Variants in MUC7 observed in about 807,000 individuals in gnomAD.
The protein encoded by MUC7 is mucin 7, secreted, also known as mucin-7.
In MUC7, 2 loss-of-function variants were observed where a neutral mutation model predicts 2.5. The ratio of observed to expected loss-of-function variants is 0.81; its 90% CI spans 0.33 to 2.55. The LOEUF is 2.55. MUC7 is among the 30% of genes most tolerant of loss of function. The pLI is 0.11. For synonymous variants in MUC7, 133 were observed against 173.4 expected (o/e 0.77, Z 1.83); for missense variants, 408 against 455.6 (o/e 0.90, Z 0.95).
intron 1 of MUC7, among the ~76,000 whole-genome samples, chr4:70,434,314 C>G (rs1297377134): frequency 6.6e-6 from 1 of 152,122 alleles, no homozygotes; most frequent in Non-Finnish European, 1.5e-5. Flanking sequence ...CCTCTTTATA[C>G]CTCTGGTAGA....
At position 70,481,124 on chromosome 4, in the gene MUC7, C is replaced by A; in HGVS notation, c.380C>A (p.Pro127Gln). The A allele has an allele frequency of 3.1e-6, 5 of 1,614,182 alleles. No homozygotes were observed. The highest frequency in any genetic ancestry group is 4.2e-6 in the Non-Finnish European group (5 of 1,180,034). Residue 127 changes from proline (P) to glutamine (Q), a missense_variant, in exon 3 of 3, where the codon CCA becomes CAA. Pro to Gln is a moderately conservative substitution (Grantham distance 76). Coordinates refer to ENST00000304887, the MANE Select transcript of MUC7 (RefSeq NM_152291.3). ...PSASTKITTLPNVTFLPQNAT... is the reference protein window; with the variant it reads ...PSASTKITTLQNVTFLPQNAT... ...GCTTCCACCAAAATTACTACCCTTC[C>A]AAATGTGACTTTTCTTCCCCAGAAT...
intron 1 of MUC7, among the ~76,000 whole-genome samples, chr4:70,448,624 A>T (rs1734199581): frequency 6.6e-6 from 1 of 151,972 alleles, no homozygotes; most frequent in Non-Finnish European, 1.5e-5. Context: ...AAATTATTAG[A>T]TTTTTTCCTA....
chr4:70,458,854 T>C (rs1170715534), intron 1 of MUC7, among the ~76,000 whole-genome samples: 1 of 152,042 alleles, frequency 6.6e-6, no homozygotes, highest in Non-Finnish European at 1.5e-5. Flanking sequence ...AAAGAAAAAT[T>C]GTTCAGAAAA....
At chr4:70,465,592 G>A (rs1010053648) in intron 1 of MUC7, among the ~76,000 whole-genome samples, 9 of 152,030 alleles carry the variant, frequency 5.9e-5, no homozygotes, top group African/African-American at 1.9e-4. Context: ...CGAGAACTTC[G>A]TGAAGCATAC....
At chr4:70,455,145 A>T (rs918970566) in intron 1 of MUC7, among the ~76,000 whole-genome samples, 4 of 151,854 alleles carry the variant, frequency 2.6e-5, no homozygotes, top group Non-Finnish European at 5.9e-5. Flanking sequence ...TATTTATTCT[A>T]TGAAAACACT....
rs371247339 is a variant in MUC7, at chr4:70,459,444, C to T, written c.-92-12771C>T. Among the ~76,000 whole-genome samples, 82 of 151,904 alleles carry T rather than the reference C, an allele frequency of 5.4e-4. 3 individuals carry two copies. The South Asian group carries it at 0.016, about 31-fold the overall frequency. On this transcript the variant is annotated intron_variant, in intron 1 of 3. Transcript: ENST00000413702. Reference sequence around the variant, plus strand: ...GGGGACTGTTGTGGGGTTGGGGGAGCGAGGAGGGATAGCATTAGGAGATAT... The same window carrying T: ...GGGGACTGTTGTGGGGTTGGGGGAGTGAGGAGGGATAGCATTAGGAGATAT...
upstream of MUC7, among the ~76,000 whole-genome samples, chr4:70,468,739 G>T (rs1734745316): frequency 6.6e-6 from 1 of 152,136 alleles, no homozygotes; most frequent in African/African-American, 2.4e-5. Flanking sequence ...ACAAACCACT[G>T]CTCAATGAAA....
intron 1 of MUC7, among the ~76,000 whole-genome samples, chr4:70,433,213 C>T (rs114753389): frequency 0.023 from 3,561 of 152,114 alleles, 53 homozygotes; most frequent in Non-Finnish European, 0.037. Flanking sequence ...GCTATGGGGT[C>T]TCTTTTTTGG....
At chr4:70,474,463 C>T (rs1371265479) in intron 2 of MUC7, among the ~76,000 whole-genome samples, 1 of 151,912 alleles carries the variant, frequency 6.6e-6, no homozygotes, top group Admixed American at 6.6e-5. Context: ...TGCAGCAAGC[C>T]GTAATCATAC....
At chr4:70,477,415 CA>C (rs1206870521) in intron 2 of MUC7, among the ~76,000 whole-genome samples, 2 of 152,122 alleles carry the variant, frequency 1.3e-5, no homozygotes, top group African/African-American at 4.8e-5. Flanking sequence ...TCTCAAAATA[CA>C]AAAGTAAAAA....
intron 1 of MUC7, among the ~76,000 whole-genome samples, chr4:70,456,409 G>T (rs1734414765): frequency 6.6e-6 from 1 of 152,148 alleles, no homozygotes; most frequent in Non-Finnish European, 1.5e-5. Flanking sequence ...CTGCTATGAA[G>T]AACTACCTGA....
chr4:70,441,466 G>T (rs1260485492), intron 1 of MUC7, among the ~76,000 whole-genome samples: 1 of 152,130 alleles, frequency 6.6e-6, no homozygotes, highest in African/African-American at 2.4e-5. Flanking sequence ...CAGCAATAAT[G>T]AGAAAAATCA....
At chr4:70,433,493 T>C (rs184585657) in intron 1 of MUC7, among the ~76,000 whole-genome samples, 25 of 152,346 alleles carry the variant, frequency 1.6e-4, no homozygotes, top group African/African-American at 5.8e-4. Flanking sequence ...TTTGTAGTAA[T>C]TGTGAATGGG....
intron 1 of MUC7, among the ~76,000 whole-genome samples, chr4:70,443,007 T>C (rs562040171): frequency 6.6e-6 from 1 of 152,156 alleles, no homozygotes; most frequent in Admixed American, 6.5e-5. Flanking sequence ...ATTTTCCCTG[T>C]CCAACAAGGA....
At chr4:70,434,763 T>C (rs1164773297) in intron 1 of MUC7, among the ~76,000 whole-genome samples, 2 of 152,242 alleles carry the variant, frequency 1.3e-5, no homozygotes, top group African/African-American at 4.8e-5. Context: ...TGAAAGTGTT[T>C]GCTCTTGCTT....
At position 70,481,700 on chromosome 4, in the gene MUC7, C is replaced by T. The variant is rs1313138880; in HGVS notation, c.956C>T (p.Ala319Val). The T allele has an allele frequency of 1.2e-6, 2 of 1,614,216 alleles. No individual in the cohort carries two copies. Among genetic ancestry groups the T allele is most frequent in the Non-Finnish European group, 1.7e-6 (2 of 1,180,036 alleles). Reference sequence around the variant, plus strand: ...CCTAATTCTTCCCCAACTACTCTTGCACCTGACACTTCTGAAACTTCAGCT... The same window carrying T: ...CCTAATTCTTCCCCAACTACTCTTGTACCTGACACTTCTGAAACTTCAGCT... ...TTPNSSPTTL[A>V]PDTSETSAAP... Residue 319 changes from alanine (A) to valine (V), a missense_variant, in exon 3 of 3, where the codon GCA (alanine) becomes GTA (valine). Around this residue, in one of 3 missense-constraint regions of MUC7, gnomAD observed 175 missense variants for 187.1 expected, o/e 0.94. Coordinates refer to ENST00000304887, the MANE Select transcript of MUC7 (RefSeq NM_152291.3).
At chr4:70,433,736 T>C (rs532622495) in intron 1 of MUC7, among the ~76,000 whole-genome samples, 4 of 152,242 alleles carry the variant, frequency 2.6e-5, no homozygotes, top group Admixed American at 2.0e-4. Flanking sequence ...TGCCTGATTG[T>C]CCTGGCCAGA....
intron 1 of MUC7, among the ~76,000 whole-genome samples, chr4:70,438,503 T>A (rs916956927): frequency 2.0e-5 from 3 of 152,066 alleles, no homozygotes; most frequent in Non-Finnish European, 2.9e-5. Flanking sequence ...TGTCACCAGG[T>A]TGGAGTGCAG....
At chr4:70,470,091 G>C (rs550695624), upstream of MUC7, among the ~76,000 whole-genome samples, 38 of 152,300 alleles carry the variant, frequency 2.5e-4, no homozygotes, top group African/African-American at 8.7e-4. Context: ...AAAAGGATGA[G>C]TTCATGTCCT....
Sources: allele counts gnomAD v4.1 joint callset (sites outside exome capture counted in the v4.1 genomes callset), GRCh38; gene constraint gnomAD v4.1.1; regional missense constraint gnomAD v4.1.1; transcripts MANE v1.5; gene names NCBI Gene and HGNC (gene_info 2026-07-23, HGNC 2026-07-21).